SND1: variants seen among roughly 807,000 people sequenced by gnomAD.
SND1 encodes staphylococcal nuclease and tudor domain containing 1.
A neutral mutation model predicts 121.7 loss-of-function variants in SND1; 38 were observed. The ratio of observed to expected loss-of-function variants is 0.31; its 90% CI spans 0.24 to 0.41. The LOEUF (loss-of-function observed/expected upper bound fraction) is 0.41, where lower values mean the gene tolerates loss of function less well. SND1 is among the 10% of genes least tolerant of loss of function. SND1 has a pLI of 1.00. For synonymous variants in SND1, 401 were observed against 447.4 expected (o/e 0.90, Z 1.31); for missense variants, 868 against 1,184.6 (o/e 0.73, Z 3.92).
intron 15 of SND1, among the ~76,000 whole-genome samples, chr7:127,989,286 T>C (rs971610152): frequency 6.6e-6 from 1 of 152,250 alleles, no homozygotes; most frequent in Admixed American, 6.5e-5. Flanking sequence ...CACCTCAAGC[T>C]GCTGTCCTGT....
At position 127,742,649 on chromosome 7, in the gene SND1, A is replaced by G. The variant is rs140007993; in HGVS notation, c.1152+21249A>G. On this transcript the variant is annotated intron_variant, in intron 10 of 23. Transcript: ENST00000354725. Reference sequence around the variant, plus strand: ...CTTGTGTGAAAGTGCTCCACAAAGAATGGCCCATGGGAATGTTTTAACTGT... The same window carrying G: ...CTTGTGTGAAAGTGCTCCACAAAGAGTGGCCCATGGGAATGTTTTAACTGT... Among the ~76,000 whole-genome samples, 290 of 152,264 alleles carry G rather than the reference A, an allele frequency of 1.9e-3. 2 individuals are homozygous for G. The highest frequency in any genetic ancestry group is 3.0e-3 in the Non-Finnish European group (203 of 68,006).
chr7:127,900,561 T>G (rs545154153), intron 13 of SND1, among the ~76,000 whole-genome samples: 2 of 152,312 alleles, frequency 1.3e-5, no homozygotes, highest in South Asian at 4.1e-4. Context: ...AGTTGTAGGT[T>G]TTTTCTTCTA....
chr7:127,746,503 A>G lies in SND1; in HGVS notation c.1152+25103A>G, dbSNP rs762119370. On this transcript the variant is annotated intron_variant, in intron 10 of 23. Transcript: ENST00000354725. ...GGAACCAATGAATGCTTAAATGAGA[A>G]ATCTTTTAGTAATGTCACAGACTCA... Among the ~76,000 whole-genome samples, 12 of 152,196 alleles carry G rather than the reference A, an allele frequency of 7.9e-5. No homozygotes were observed. The South Asian group carries it at 8.3e-4, about 10-fold the overall frequency.
chr7:127,677,118 A>G (rs1357372273), intron 1 of SND1, among the ~76,000 whole-genome samples: 1 of 152,210 alleles, frequency 6.6e-6, no homozygotes, highest in African/African-American at 2.4e-5. Flanking sequence ...TTTATAGCAG[A>G]CCACACTTTG....
chr7:127,984,661 C>T (rs2116906978), intron 15 of SND1, among the ~76,000 whole-genome samples: 1 of 152,368 alleles, frequency 6.6e-6, no homozygotes, highest in South Asian at 2.1e-4. Flanking sequence ...CTGAATATGA[C>T]ACAGTGCCTG....
chr7:127,807,535 G>A lies in SND1; in HGVS notation c.1204G>A (p.Ala402Thr), dbSNP rs1464113449. The part of the protein sequence containing the change: ...PLYDIPYMFE[A>T]REFLRKKLIG... Reference sequence around the variant, plus strand: ...GTATGACATTCCTTACATGTTTGAGGCCCGGGAATTTCTTCGAAAAAAGCT... The same window carrying A: ...GTATGACATTCCTTACATGTTTGAGACCCGGGAATTTCTTCGAAAAAAGCT... The change falls in exon 11 of 24, where the codon GCC (alanine) becomes ACC (threonine). Residue 402 changes from alanine (A) to threonine (T), a missense_variant. Ala to Thr is a moderately conservative substitution (Grantham distance 58). Coordinates refer to ENST00000354725, the MANE Select transcript of SND1 (RefSeq NM_014390.4). 4 of 1,613,914 alleles carry A rather than the reference G, an allele frequency of 2.5e-6. No homozygotes were observed. In the African/African-American group the frequency reaches 4.0e-5, roughly 16 times the overall value.
chr7:128,069,750 G>T (rs373120467), intron 16 of SND1, among the ~76,000 whole-genome samples: 1 of 152,204 alleles, frequency 6.6e-6, no homozygotes, highest in South Asian at 2.1e-4. Context: ...GGTAGATGAT[G>T]TTGCAATCCC....
chr7:127,933,595 A>G (rs997004559), intron 15 of SND1, among the ~76,000 whole-genome samples: 1 of 152,194 alleles, frequency 6.6e-6, no homozygotes, highest in Admixed American at 6.5e-5. Flanking sequence ...ATAACTGGGA[A>G]TTGTTTCCTG....
intron 11 of SND1, among the ~76,000 whole-genome samples, chr7:127,807,871 T>C (rs550697600): frequency 6.6e-6 from 1 of 152,268 alleles, no homozygotes; most frequent in South Asian, 2.1e-4. Context: ...GTTGGCTCTC[T>C]TGTTCTCTCC....
chr7:127,736,958 C>A (rs183861501), intron 10 of SND1, among the ~76,000 whole-genome samples: 10 of 152,226 alleles, frequency 6.6e-5, no homozygotes, highest in African/African-American at 2.4e-4. Flanking sequence ...GCTGCTCTGT[C>A]GGGTACTTCT....
chr7:127,909,437 C>G (rs1395089018), intron 14 of SND1, among the ~76,000 whole-genome samples: 2 of 151,370 alleles, frequency 1.3e-5, no homozygotes, highest in Admixed American at 1.3e-4. Context: ...GTTAGAAATA[C>G]GTAGTATTTC....
chr7:127,936,382 G>A (rs547222025), intron 15 of SND1, among the ~76,000 whole-genome samples: 11 of 152,148 alleles, frequency 7.2e-5, no homozygotes, highest in Non-Finnish European at 8.8e-5. Flanking sequence ...AGCCCCACAC[G>A]TTTCCTTCCA....
At chr7:127,771,803 C>T (rs1034105587) in intron 10 of SND1, among the ~76,000 whole-genome samples, 28 of 152,062 alleles carry the variant, frequency 1.8e-4, no homozygotes, top group East Asian at 7.7e-4. Context: ...AATATGATAC[C>T]TCTATTATAC....
At position 127,652,271 on chromosome 7, in the gene SND1, C is replaced by T. The variant is rs936159597; in HGVS notation, c.-103C>T. 2 of 975,670 alleles carry T rather than the reference C, an allele frequency of 2.0e-6. No individual in the cohort carries two copies. The highest frequency in any genetic ancestry group is 2.0e-5 in the Admixed American group (1 of 50,178). 60.4% of individuals were successfully genotyped at this position (975,670 alleles called of 1,614,324 possible). On this transcript the variant is annotated 5_prime_UTR_variant, in exon 1 of 24. Coordinates refer to ENST00000354725, the MANE Select transcript of SND1 (RefSeq NM_014390.4). ...CCCGTCCACCGTCCGCAGCTGGTAGCCAGCCTGCCCCTCGCCTCGACTCCC... is the reference window on the plus strand; with the variant it reads ...CCCGTCCACCGTCCGCAGCTGGTAGTCAGCCTGCCCCTCGCCTCGACTCCC...
chr7:127,700,539 A>C (rs1289549239), intron 4 of SND1, among the ~76,000 whole-genome samples: 1 of 152,186 alleles, frequency 6.6e-6, no homozygotes, highest in Non-Finnish European at 1.5e-5. Context: ...AGCCATTTCT[A>C]GCCTTTTTAA....
At chr7:127,929,431 C>A in intron 15 of SND1, 102 bp downstream of exon 15, 1 of 1,151,800 alleles carries the variant, frequency 8.7e-7, no homozygotes, top group Non-Finnish European at 1.3e-6. Context: ...TAGAGCCCAC[C>A]AGCATGCTCT....
chr7:127,709,484 T>G (rs1796262026), intron 9 of SND1, among the ~76,000 whole-genome samples: 3 of 152,164 alleles, frequency 2.0e-5, no homozygotes, highest in Admixed American at 6.5e-5. Flanking sequence ...TTGAAGAGTT[T>G]TGGGCCTTGG....
At chr7:127,939,236 G>A (rs1234421959) in intron 15 of SND1, among the ~76,000 whole-genome samples, 1 of 152,168 alleles carries the variant, frequency 6.6e-6, no homozygotes, top group Non-Finnish European at 1.5e-5. Flanking sequence ...CATCCTTTTA[G>A]GAAGGACATC....
At chr7:128,036,196 AACACATTT>A (rs1222353007) in intron 16 of SND1, among the ~76,000 whole-genome samples, 1 of 100,198 alleles carries the variant, frequency 1.0e-5, no homozygotes, top group Non-Finnish European at 1.9e-5. Context: ...CAAGGTAATG[AACACATTT>A]GTGTGTGTGT....
Sources: allele counts gnomAD v4.1 joint callset (sites outside exome capture counted in the v4.1 genomes callset), GRCh38; gene constraint gnomAD v4.1.1; transcripts MANE v1.5; gene names NCBI Gene and HGNC (gene_info 2026-07-23, HGNC 2026-07-21).